HS6ST2: variants seen among roughly 807,000 people sequenced by gnomAD.
HS6ST2 encodes the protein heparan-sulfate 6-O-sulfotransferase 2.
A neutral mutation model predicts 33.0 loss-of-function variants in HS6ST2; 17 were observed. The observed-to-expected ratio is 0.52, with a 90% CI of 0.35 to 0.77. HS6ST2 has a LOEUF of 0.77. HS6ST2 is among the 30% of genes least tolerant of loss of function. HS6ST2 has a pLI of 0.01. For missense variants in HS6ST2, 519 were observed against 551.7 expected (o/e 0.94, Z 0.59); for synonymous variants, 248 against 237.1 (o/e 1.05, Z -0.42).
In HS6ST2 at chrX:132,845,130, T is replaced by C. The variant is rs781214901; in HGVS notation, c.947+111678A>G. Among the ~76,000 whole-genome samples, 9 of 108,742 alleles carry C rather than the reference T, an allele frequency of 8.3e-5. No individual in the cohort carries two copies. In the East Asian group the frequency reaches 2.5e-3, roughly 31 times the overall value. 94.4% of individuals were successfully genotyped at this position (108,742 alleles called of 115,157 possible). ...ATTAACAATTAATAATTATAATTAT[T>C]AATATATACATTATACATATTGTGT... On this transcript the variant is annotated intron_variant, in intron 2 of 4. Transcript: ENST00000370833.
At chrX:132,852,353 T>C (rs1347377514) in intron 2 of HS6ST2, among the ~76,000 whole-genome samples, 1 of 111,750 alleles carries the variant, frequency 8.9e-6, no homozygotes, top group African/African-American at 3.3e-5. Context: ...ATTTTTAATA[T>C]AATCATAGTA....
intron 4 of HS6ST2, among the ~76,000 whole-genome samples, chrX:132,651,657 A>G (rs2063693593): frequency 1.8e-5 from 2 of 111,849 alleles, no homozygotes; most frequent in South Asian, 7.5e-4. Context: ...TGTGAGTCAC[A>G]CATTTGGCTT....
chrX:132,818,799 T>C (rs2065421387), intron 2 of HS6ST2, among the ~76,000 whole-genome samples: 1 of 112,076 alleles, frequency 8.9e-6, no homozygotes, highest in Non-Finnish European at 1.9e-5. Flanking sequence ...TCCACCAGAC[T>C]GTTGAGTATC....
chrX:132,697,285 A>G (rs1393375134), intron 3 of HS6ST2, among the ~76,000 whole-genome samples: 4 of 111,744 alleles, frequency 3.6e-5, no homozygotes, highest in Non-Finnish European at 7.5e-5. Flanking sequence ...TTCAGTGTCT[A>G]TTTAGTGTCT....
chrX:132,899,751 A>G (rs958749581), intron 2 of HS6ST2, among the ~76,000 whole-genome samples: 19 of 111,862 alleles, frequency 1.7e-4, no homozygotes, highest in Admixed American at 1.6e-3. Flanking sequence ...AAAAATTTCA[A>G]TGGACTGTAA....
chrX:132,714,529 G>A (rs1479881144), intron 2 of HS6ST2, among the ~76,000 whole-genome samples: 1 of 110,713 alleles, frequency 9.0e-6, no homozygotes, highest in African/African-American at 3.3e-5. Context: ...GGCCAGGCTG[G>A]TCTGGTCTCA....
chrX:132,951,415 G>A (rs1167700406), intron 2 of HS6ST2, among the ~76,000 whole-genome samples: 1 of 110,962 alleles, frequency 9.0e-6, no homozygotes, highest in East Asian at 2.9e-4. Context: ...CACCCACAAT[G>A]CCTCCTTTCT....
chrX:132,702,111 C>A (rs937229581), intron 3 of HS6ST2, among the ~76,000 whole-genome samples: 2 of 112,190 alleles, frequency 1.8e-5, no homozygotes, highest in African/African-American at 6.5e-5. Context: ...TCCTGCATAT[C>A]CACTTTACAA....
chrX:132,674,802 C>T (rs975964993), intron 3 of HS6ST2, among the ~76,000 whole-genome samples: 5 of 111,883 alleles, frequency 4.5e-5, no homozygotes, highest in Admixed American at 9.5e-5. Flanking sequence ...AAAACTGTTG[C>T]GTTCGCATCT....
At chrX:132,859,913 G>A (rs1342476487) in intron 2 of HS6ST2, among the ~76,000 whole-genome samples, 4 of 85,761 alleles carry the variant, frequency 4.7e-5, no homozygotes, top group African/African-American at 1.7e-4. Context: ...AAAGAGAAAG[G>A]CAAGCAGGGA....
chrX:132,894,504 T>C (rs1191813389), intron 2 of HS6ST2, among the ~76,000 whole-genome samples: 2 of 108,202 alleles, frequency 1.8e-5, no homozygotes, highest in African/African-American at 6.8e-5. Context: ...TGTTATGTTA[T>C]GTTATGTTAT....
chrX:132,848,468 G>A (rs757954756), intron 2 of HS6ST2, among the ~76,000 whole-genome samples: 51 of 112,098 alleles, frequency 4.5e-4, no homozygotes, highest in Non-Finnish European at 7.9e-4. Context: ...AGAATTCCTG[G>A]CCCTCTTCCA....
chrX:132,812,138 G>T (rs754924481), intron 2 of HS6ST2, among the ~76,000 whole-genome samples: 1 of 109,475 alleles, frequency 9.1e-6, no homozygotes, highest in Non-Finnish European at 1.9e-5. Context: ...CGGGCGCGGT[G>T]GTTCACACCT....
At chrX:132,658,897 A>G (rs1323394449) in intron 4 of HS6ST2, among the ~76,000 whole-genome samples, 1 of 111,492 alleles carries the variant, frequency 9.0e-6, no homozygotes, top group Non-Finnish European at 1.9e-5. Context: ...CGCCTGCCAT[A>G]CTGCATGGGC....
chrX:132,661,960 G>C (rs185575084), intron 4 of HS6ST2, among the ~76,000 whole-genome samples: 1 of 100,628 alleles, frequency 9.9e-6, no homozygotes, highest in Non-Finnish European at 2.1e-5. Context: ...ACTCCAGCCT[G>C]GGTTGACAGT....
At chrX:132,787,290 A>T (rs1173433719) in intron 2 of HS6ST2, among the ~76,000 whole-genome samples, 3 of 90,739 alleles carry the variant, frequency 3.3e-5, no homozygotes, top group East Asian at 3.4e-4. Context: ...ATATTTATAT[A>T]ATATATATAT....
intron 2 of HS6ST2, among the ~76,000 whole-genome samples, chrX:132,912,341 C>T (rs752462658): frequency 8.9e-6 from 1 of 112,466 alleles, no homozygotes; most frequent in African/African-American, 3.2e-5. Context: ...ACATTTCTGT[C>T]CCAAGATCAC....
At chrX:132,736,123 G>A (rs745780136) in intron 2 of HS6ST2, among the ~76,000 whole-genome samples, 5 of 111,556 alleles carry the variant, frequency 4.5e-5, no homozygotes, top group Non-Finnish European at 7.5e-5. Context: ...GGGATTACAG[G>A]TGTGAGCTAC....
intron 2 of HS6ST2, among the ~76,000 whole-genome samples, chrX:132,813,660 C>G (rs913530819): frequency 9.0e-6 from 1 of 110,934 alleles, no homozygotes; most frequent in Non-Finnish European, 1.9e-5. Flanking sequence ...TTGACTCTTG[C>G]TCTGACCACA....
Sources: allele counts gnomAD v4.1 joint callset (sites outside exome capture counted in the v4.1 genomes callset), GRCh38; gene constraint gnomAD v4.1.1; transcripts MANE v1.5; gene names NCBI Gene and HGNC (gene_info 2026-07-23, HGNC 2026-07-21).